Variants in FSTL4 observed in about 807,000 individuals in gnomAD.
FSTL4 encodes follistatin like 4, also known as follistatin-related protein 4.
In FSTL4, 28 loss-of-function variants were observed where a neutral mutation model predicts 78.2. The observed-to-expected ratio is 0.36, with a 90% CI of 0.27 to 0.49. FSTL4 has a LOEUF of 0.49. Ranked by LOEUF, FSTL4 falls within the 20% of genes least tolerant of loss-of-function variation. FSTL4 has a pLI of 0.98. For missense variants in FSTL4, 922 were observed against 1,084.9 expected (o/e 0.85, Z 2.11); for synonymous variants, 422 against 440.5 (o/e 0.96, Z 0.53).
At chr5:133,314,252 C>T (rs916754528) in intron 5 of FSTL4, among the ~76,000 whole-genome samples, 7 of 152,364 alleles carry the variant, frequency 4.6e-5, no homozygotes, top group Non-Finnish European at 1.0e-4. Context: ...GAGTCACCTG[C>T]AGGTCCCTGG....
At chr5:133,330,208 CT>C (rs776412336) in intron 4 of FSTL4, among the ~76,000 whole-genome samples, 35 of 152,178 alleles carry the variant, frequency 2.3e-4, no homozygotes, top group Non-Finnish European at 7.3e-5. Context: ...ATCACTTTTC[CT>C]GCATTTCTCC....
At chr5:133,747,400 C>A in the FSTL4 span, among the ~76,000 whole-genome samples, 1 of 152,152 alleles carries the variant, frequency 6.6e-6, no homozygotes, top group African/African-American at 2.4e-5. Context: ...AATTTAGTGA[C>A]CCTTTATTGA....
At chr5:133,427,505 C>T (rs997636032) in intron 3 of FSTL4, 7 of 423,448 alleles carry the variant, frequency 1.7e-5, no homozygotes, top group Non-Finnish European at 3.1e-5. Context: ...GTGTGTGTTG[C>T]GGGGGTGGGA....
intron 6 of FSTL4, among the ~76,000 whole-genome samples, chr5:133,279,039 T>C (rs529694445): frequency 2.0e-5 from 3 of 152,372 alleles, no homozygotes; most frequent in Admixed American, 6.5e-5. Context: ...ACTGTGTGGT[T>C]GCAACTCAAA....
chr5:133,533,816 A>T (rs1391765750), intron 3 of FSTL4, among the ~76,000 whole-genome samples: 2 of 152,058 alleles, frequency 1.3e-5, no homozygotes, highest in Non-Finnish European at 2.9e-5. Flanking sequence ...AGTGCCCCTG[A>T]GGAGTCTTCA....
chr5:133,399,722 C>T (rs567765395), intron 4 of FSTL4, among the ~76,000 whole-genome samples: 1 of 152,308 alleles, frequency 6.6e-6, no homozygotes, highest in South Asian at 2.1e-4. Context: ...AGGCACTTGG[C>T]AGGTGTCTAG....
At chr5:133,320,227 T>C (rs10455054) in intron 4 of FSTL4, among the ~76,000 whole-genome samples, 115,409 of 152,184 alleles carry the variant, frequency 0.76, 44,679 homozygotes, top group African/African-American at 0.9. Flanking sequence ...GATTTCCTCC[T>C]TCACAGCTGG....
At chr5:133,574,624 T>C (rs1760235118) in intron 2 of FSTL4, among the ~76,000 whole-genome samples, 1 of 152,236 alleles carries the variant, frequency 6.6e-6, no homozygotes, top group African/African-American at 2.4e-5. Flanking sequence ...TACATTCATG[T>C]GAGCACCAAA....
the FSTL4 span, among the ~76,000 whole-genome samples, chr5:133,708,438 G>A: frequency 6.6e-6 from 1 of 152,108 alleles, no homozygotes; most frequent in Non-Finnish European, 1.5e-5. Flanking sequence ...CCTTCACTAT[G>A]TGACCTGATT....
At chr5:133,542,177 T>A (rs1033791628) in intron 3 of FSTL4, among the ~76,000 whole-genome samples, 1 of 152,224 alleles carries the variant, frequency 6.6e-6, no homozygotes, top group African/African-American at 2.4e-5. Context: ...TGTAAGAATT[T>A]TTTCTTACAC....
intron 4 of FSTL4, among the ~76,000 whole-genome samples, chr5:133,343,298 C>T (rs1037039730): frequency 2.0e-5 from 3 of 152,174 alleles, no homozygotes; most frequent in Non-Finnish European, 4.4e-5. Flanking sequence ...GGGCCACTAG[C>T]GGTGCCAACA....
At chr5:133,531,702 C>A (rs1759257430) in intron 3 of FSTL4, among the ~76,000 whole-genome samples, 2 of 152,176 alleles carry the variant, frequency 1.3e-5, no homozygotes, top group South Asian at 4.1e-4. Flanking sequence ...TCTCCAATTG[C>A]CAGTCAAGCT....
the FSTL4 span, among the ~76,000 whole-genome samples, chr5:133,677,323 G>C: frequency 6.6e-6 from 1 of 152,170 alleles, no homozygotes; most frequent in East Asian, 1.9e-4. Context: ...GATTCCATGG[G>C]ATCTGGGCAG....
At position 133,573,185 on chromosome 5, in the gene FSTL4, A is replaced by G. The variant is rs149890834; in HGVS notation, c.127-5966T>C. 2.8e-3 allele frequency among the ~76,000 whole-genome samples: 431 copies of G among 152,208 alleles called. 5 individuals carry two copies. Among genetic ancestry groups the G allele is most frequent in the Middle Eastern group, 0.014 (4 of 294 alleles). ...CGTGAACCCGGGAGGCAGAGCTTGT[A>G]GTAAGCCCAGATTGCGCCACTGCAC... On this transcript the variant is annotated intron_variant, in intron 2 of 15. Transcript: ENST00000265342.
chr5:133,806,845 C>T, the FSTL4 span, among the ~76,000 whole-genome samples: 10 of 152,164 alleles, frequency 6.6e-5, no homozygotes, highest in East Asian at 5.8e-4. Flanking sequence ...CACCCTGCTC[C>T]GCATAAATGG....
At chr5:133,621,858 A>C in the FSTL4 span, among the ~76,000 whole-genome samples, 1 of 152,200 alleles carries the variant, frequency 6.6e-6, no homozygotes, top group Admixed American at 6.5e-5. Context: ...ATTCACATAC[A>C]TTTGTAAGAA....
chr5:133,641,328 C>T, the FSTL4 span, among the ~76,000 whole-genome samples: 1 of 152,208 alleles, frequency 6.6e-6, no homozygotes, highest in African/African-American at 2.4e-5. Flanking sequence ...TGTTCTCAGG[C>T]TCAATAGGAC....
chr5:133,680,517 T>A, the FSTL4 span, among the ~76,000 whole-genome samples: 2 of 152,190 alleles, frequency 1.3e-5, no homozygotes, highest in Non-Finnish European at 2.9e-5. Context: ...AGGCCTCCAC[T>A]TCTTAGAGGA....
intron 3 of FSTL4, among the ~76,000 whole-genome samples, chr5:133,530,294 G>A (rs1357019012): frequency 1.3e-5 from 2 of 152,148 alleles, no homozygotes; most frequent in African/African-American, 2.4e-5. Context: ...GGATAGCACC[G>A]TTAGGAGCCG....
Sources: gnomAD v4.1 joint callset for allele counts (sites outside exome capture counted in the v4.1 genomes callset) on GRCh38, gnomAD v4.1.1 for gene constraint, MANE v1.5 for transcripts, NCBI Gene and HGNC (gene_info 2026-07-23, HGNC 2026-07-21) for gene names.